Variants in PWWP3A observed in about 807,000 individuals in gnomAD.
The protein encoded by PWWP3A is PWWP domain containing 3A, DNA repair factor.
In PWWP3A, 53 loss-of-function variants were observed where a neutral mutation model predicts 79.0. The ratio of observed to expected loss-of-function variants is 0.67; its 90% confidence interval spans 0.54 to 0.84. The LOEUF is 0.84. Among genes scored for constraint, PWWP3A ranks in the 40% least tolerant of loss-of-function variants. PWWP3A has a pLI of 0.00. For missense variants in PWWP3A, 973 were observed against 948.0 expected, an observed-to-expected ratio of 1.03 and a Z score of -0.35; for synonymous variants, 443 against 394.4, an observed-to-expected ratio of 1.12 and a Z score of -1.46.
At position 1,370,639 on chromosome 19, in the gene PWWP3A, C is replaced by T; in HGVS notation, c.1550-3C>T. The T allele has an allele frequency of 6.9e-7, 1 of 1,443,628 alleles. No homozygotes were observed. Among genetic ancestry groups the T allele is most frequent in the Non-Finnish European group, 9.1e-7 (1 of 1,095,502 alleles). The allele number at this position is 1,443,628 out of a possible 1,614,324, so 89.4% of individuals were successfully genotyped here. A position where few individuals can be genotyped will look rare whatever the true frequency, so the allele number is the denominator to read the frequency against. On this transcript the variant is annotated splice_region_variant and splice_polypyrimidine_tract_variant and intron_variant, in intron 11 of 13. Transcript: ENST00000591337. The stretch of plus-strand genomic sequence containing the variant: ...GGTCCCACGACAGGTGCTTCTTTTG[C>T]AGGCTATCCTGTCCGAAAATCCATC...
intron 11 of PWWP3A, 87 bp from the exon 12 acceptor site, chr19:1,370,555 T>G: frequency 8.1e-7 from 1 of 1,241,040 alleles, no homozygotes; most frequent in Non-Finnish European, 1.1e-6. Context: ...ATCCCTGCCA[T>G]GTCGCAGCCT....
chr19:1,370,391 G>A (rs779963406), intron 11 of PWWP3A, among the ~76,000 whole-genome samples: 17 of 152,182 alleles, frequency 1.1e-4, no homozygotes, highest in Non-Finnish European at 2.1e-4. Flanking sequence ...AGTGCTGCAC[G>A]GGCAGGCGCT....
Position 1,366,293 on chromosome 19 carries a change from A to T in PWWP3A, c.1285-12A>T. On this transcript the variant is annotated splice_polypyrimidine_tract_variant and intron_variant, in intron 7 of 13. Transcript: ENST00000591337. ...TTGTTTTGACGTTTTATTTTCTTGG[A>T]TTTGTGAACAGGTCAAAAGCGTCAG... 1.2e-6 allele frequency: 2 copies of T among 1,613,676 alleles called. No homozygotes were observed. The highest frequency in any genetic ancestry group is 1.7e-6 in the Non-Finnish European group (2 of 1,179,614).
intron 12 of PWWP3A, 30 bp from the exon 13 acceptor site, chr19:1,373,039 CCTG>C (rs1434698625): frequency 1.2e-6 from 2 of 1,604,222 alleles, no homozygotes; most frequent in African/African-American, 2.7e-5. Context: ...TTGGGCAGTG[CCTG>C]CTGCTATTGA....
In PWWP3A at chr19:1,362,295, C is replaced by T; in HGVS notation, c.1157C>T (p.Ser386Phe). ...EESMGSNSMR[S>F]ILEEDEEDEE... ...TCCATGGGGTCTAATTCCATGCGTT[C>T]TATCCTGGAGGAAGACGAGGAAGAC... The change falls in exon 6 of 14, where the codon TCT (serine) becomes TTT (phenylalanine). Residue 386 changes from serine (S) to phenylalanine (F), a missense_variant. By Grantham distance (155) the Ser-to-Phe change is radical (BLOSUM62 -2). Coordinates refer to ENST00000591337, the MANE Select transcript of PWWP3A (RefSeq NM_001369789.1). The T allele has an allele frequency of 1.2e-6, 2 of 1,614,120 alleles. No homozygotes were observed. Among genetic ancestry groups the T allele is most frequent in the South Asian group, 1.1e-5 (1 of 91,086 alleles).
intron 6 of PWWP3A, 87 bp from the exon 7 acceptor site, chr19:1,364,422 T>G: frequency 1.0e-6 from 1 of 964,030 alleles, no homozygotes; most frequent in South Asian, 1.5e-5. Flanking sequence ...GCTAACTGTG[T>G]TTTCTCAGGC....
At chr19:1,372,583 C>G (rs1181685234) in intron 12 of PWWP3A, 1 of 152,306 alleles carries the variant, frequency 6.6e-6, no homozygotes, top group African/African-American at 2.4e-5. Context: ...ATGGTGAAAC[C>G]CCGTTTCTAC....
At chr19:1,358,201 A>G (rs185772229) in intron 3 of PWWP3A, 193 bp from the exon 4 acceptor site, 4 of 498,250 alleles carry the variant, frequency 8.0e-6, no homozygotes, top group Non-Finnish European at 1.4e-5. Context: ...AAAAAAAAAA[A>G]AAACCATTCA....
rs1409031971 is a variant in PWWP3A at position 1,360,738 on chromosome 19, C to G, written c.817C>G (p.Pro273Ala). ...DPCANAEGHD[P>A]GLPLGSLTAP... ...CTGTGCCAACGCTGAGGGACACGAC[C>G]CCGGTCTGCCGTTGGGCAGCCTCAC... Residue 273 changes from proline (P) to alanine (A), a missense_variant, in exon 5 of 14, where the codon CCC becomes GCC. Pro to Ala is a conservative substitution (Grantham distance 27, BLOSUM62 -1). Coordinates refer to ENST00000591337, the MANE Select transcript of PWWP3A (RefSeq NM_001369789.1). This position sits in a 1 kb window ranked among gnomAD's most constrained non-coding sequence, Gnocchi z 4.4. 6.2e-7 allele frequency: 1 copy of G among 1,612,746 alleles called. No homozygotes were observed. Among genetic ancestry groups the G allele is most frequent in the Admixed American group, 1.7e-5 (1 of 59,978 alleles).
At chr19:1,357,152 ATCCCCTAC>A in intron 3 of PWWP3A, 58 bp downstream of exon 3, 1 of 1,325,116 alleles carries the variant, frequency 7.5e-7, no homozygotes. Flanking sequence ...TGATACTTCA[ATCCCCTAC>A]TCCCCCAAAA....
At position 1,360,036 on chromosome 19, in the gene PWWP3A, T is replaced by C; in HGVS notation, c.215-100T>C. On this transcript the variant is annotated intron_variant, in intron 4 of 13. Coordinates refer to ENST00000591337, the MANE Select transcript of PWWP3A (RefSeq NM_001369789.1). The surrounding 1 kb of genome is among the most constrained non-coding windows in gnomAD (Gnocchi z 4.4). ...CCCTTCAGTGATTTAGGTATGAAAC[T>C]AGCCGTCAGAATGAGACAAGCGAGC... The C allele has an allele frequency of 8.1e-7, 1 of 1,234,790 alleles. No homozygotes were observed. Among genetic ancestry groups the C allele is most frequent in the Non-Finnish European group, 1.1e-6 (1 of 927,004 alleles). 76.5% of individuals were successfully genotyped at this position (1,234,790 alleles called of 1,614,324 possible).
chr19:1,364,440 C>G, intron 6 of PWWP3A, 69 bp from the exon 7 acceptor site: 1 of 1,185,690 alleles, frequency 8.4e-7, no homozygotes, highest in Non-Finnish European at 1.2e-6. Context: ...GGCTGTTACA[C>G]CTGGTGCTTG....
rs2082409962 is a variant in PWWP3A at position 1,376,651 on chromosome 19, T to C, written c.*75T>C. On this transcript the variant is annotated 3_prime_UTR_variant, in exon 14 of 14. Transcript: ENST00000591337. ...CAGTGTGCATGAGCGTGTCTGAAGA[T>C]GGGGGGCTCAGGGGGCACGTTTGCG... is the stretch of plus-strand genomic sequence containing the variant. 5 of 1,486,968 alleles carry C rather than the reference T, an allele frequency of 3.4e-6. No individual in the cohort carries two copies. The South Asian group carries it at 4.6e-5, about 14-fold the overall frequency. 92.1% of individuals were successfully genotyped at this position (1,486,968 alleles called of 1,614,324 possible). A position where few individuals can be genotyped will look rare whatever the true frequency, so the allele number is the denominator to read the frequency against.
chr19:1,362,056 C>G, intron 5 of PWWP3A, 194 bp from the exon 6 acceptor site: 1 of 420,886 alleles, frequency 2.4e-6, no homozygotes, highest in Non-Finnish European at 4.3e-6. Flanking sequence ...TCCTTCCCTC[C>G]TTCCCTCTTG....
intron 1 of PWWP3A, 132 bp from the exon 2 acceptor site, chr19:1,356,192 C>G: frequency 1.7e-6 from 1 of 581,454 alleles, no homozygotes; most frequent in Non-Finnish European, 3.1e-6. Context: ...CATTGAGCAT[C>G]TCAATGCAAG....
In PWWP3A at chr19:1,371,030, C is replaced by G; in HGVS notation, c.1938C>G (p.Arg646=). 6.3e-7 allele frequency: 1 copy of G among 1,574,934 alleles called. No individual in the cohort carries two copies. The highest frequency in any genetic ancestry group is 8.6e-7 in the Non-Finnish European group (1 of 1,160,054). Residue 646 remains arginine (R), a synonymous_variant, in exon 12 of 14, where the codon CGC becomes CGG. Coordinates refer to ENST00000591337, the MANE Select transcript of PWWP3A (RefSeq NM_001369789.1). ...YQEVGAKVLQ[R]TNGDRIRFIL... ...AGGTGGGGGCCAAGGTGCTCCAGCG[C>G]ACCAACGGCGACCGGATCCGGTTCA...
intron 13 of PWWP3A, among the ~76,000 whole-genome samples, chr19:1,376,295 G>GTTTTGTTTTGTTTTT (rs2082393609): frequency 3.0e-5 from 2 of 67,046 alleles, no homozygotes; most frequent in African/African-American, 1.1e-4. Flanking sequence ...CCGGCTGTTT[G>GTTTTGTTTTGTTTTT]TTTTTTTTTT....
Position 1,370,787 on chromosome 19 carries a change from G to T in PWWP3A, c.1695G>T (p.Arg565=), listed in dbSNP as rs2082238721. 4 of 1,548,090 alleles carry T rather than the reference G, an allele frequency of 2.6e-6. 1 individual carries two copies. The South Asian group carries it at 4.8e-5, about 18-fold the overall frequency. Residue 565 remains arginine, a synonymous_variant, in exon 12 of 14, where the codon CGG becomes CGT. Coordinates refer to ENST00000591337, the MANE Select transcript of PWWP3A (RefSeq NM_001369789.1). Reference sequence around the variant, plus strand: ...GGAAAATGCTCCCCGACCGCTCGCGGGCCGCCCGGGACCGGGCCAACCAGA... The same window carrying T: ...GGAAAATGCTCCCCGACCGCTCGCGTGCCGCCCGGGACCGGGCCAACCAGA... ...PCRKMLPDRS[R]AARDRANQKL...
intron 12 of PWWP3A, chr19:1,371,466 G>A (rs961921815): frequency 1.4e-6 from 1 of 691,502 alleles, no homozygotes; most frequent in African/African-American, 1.8e-5. Context: ...TAAACCCACT[G>A]TAAGTTGAAA....
Sources: allele counts gnomAD v4.1 joint callset (sites outside exome capture counted in the v4.1 genomes callset), GRCh38; gene constraint gnomAD v4.1.1; non-coding constraint Gnocchi (gnomAD v3.1); transcripts MANE v1.5; gene names NCBI Gene and HGNC (gene_info 2026-07-23, HGNC 2026-07-21).